Variants in RNF220 observed in about 807,000 individuals in gnomAD.
RNF220 encodes the protein ring finger protein 220.
Under a neutral mutation model 67.1 loss-of-function variants are expected in RNF220, and 7 were observed. The observed-to-expected ratio is 0.10, with a 90% CI of 0.06 to 0.20. RNF220 has a LOEUF of 0.20. RNF220 is among the 10% of genes least tolerant of loss of function. The pLI is 1.00. For missense variants in RNF220, 565 were observed against 740.3 expected (o/e 0.76, Z 2.75); for synonymous variants, 270 against 283.2 (o/e 0.95, Z 0.47).
At chr1:44,529,348 T>TACACACACACACACACACAAAC (rs1660652121) in intron 2 of RNF220, among the ~76,000 whole-genome samples, 1 of 149,894 alleles carries the variant, frequency 6.7e-6, no homozygotes, top group Non-Finnish European at 1.5e-5. Context: ...AAAAAGGAAT[T>TACACACACACACACACACAAAC]ACACACACAC....
chr1:44,559,859 G>A (rs1361853702), intron 2 of RNF220, among the ~76,000 whole-genome samples: 1 of 152,232 alleles, frequency 6.6e-6, no homozygotes, highest in Non-Finnish European at 1.5e-5. Flanking sequence ...GAAGAACTTT[G>A]ACCCACTTTA....
At chr1:44,617,015 A>G (rs1332000129) in intron 3 of RNF220, among the ~76,000 whole-genome samples, 1 of 150,570 alleles carries the variant, frequency 6.6e-6, no homozygotes, top group Non-Finnish European at 1.5e-5. Context: ...TCCCCACCCC[A>G]AGCTCCATGC....
chr1:44,458,681 T>C (rs1346972365), intron 2 of RNF220, among the ~76,000 whole-genome samples: 1 of 152,248 alleles, frequency 6.6e-6, no homozygotes, highest in Non-Finnish European at 1.5e-5. Flanking sequence ...ACAACAGTTC[T>C]CTTTCTTTTC....
intron 2 of RNF220, among the ~76,000 whole-genome samples, chr1:44,597,463 CT>C (rs1331661015): frequency 9.9e-6 from 1 of 100,624 alleles, no homozygotes; most frequent in Non-Finnish European, 2.0e-5. Context: ...CTCTCTCTCT[CT>C]CATGCACACA....
chr1:44,495,904 A>G (rs1657302208), intron 2 of RNF220, among the ~76,000 whole-genome samples: 1 of 152,240 alleles, frequency 6.6e-6, no homozygotes, highest in African/African-American at 2.4e-5. Context: ...ACCACTCAGC[A>G]TATGCTTACT....
At chr1:44,431,871 A>G (rs976067492) in intron 2 of RNF220, among the ~76,000 whole-genome samples, 3 of 152,200 alleles carry the variant, frequency 2.0e-5, no homozygotes, top group Admixed American at 2.0e-4. Context: ...GGCCAAATAT[A>G]AGGCATTTTC....
chr1:44,491,404 C>T (rs1299423527), intron 2 of RNF220, among the ~76,000 whole-genome samples: 1 of 152,004 alleles, frequency 6.6e-6, no homozygotes. Context: ...ACTGTGACCA[C>T]GTGGGATTAA....
chr1:44,493,529 T>A (rs956596549), intron 2 of RNF220, among the ~76,000 whole-genome samples: 6 of 135,940 alleles, frequency 4.4e-5, no homozygotes, highest in Admixed American at 1.4e-4. Context: ...AATAAATAAA[T>A]AAAATAAATA....
intron 2 of RNF220, among the ~76,000 whole-genome samples, chr1:44,441,511 G>A (rs763806272): frequency 1.3e-5 from 2 of 152,186 alleles, no homozygotes; most frequent in African/African-American, 4.8e-5. Flanking sequence ...AGTAAAAGAC[G>A]CAGTCAACAT....
chr1:44,590,708 G>A (rs1005950254), intron 2 of RNF220, among the ~76,000 whole-genome samples: 3 of 152,198 alleles, frequency 2.0e-5, no homozygotes, highest in Non-Finnish European at 2.9e-5. Context: ...GAAGCGGGGG[G>A]GCCAGGGAGG....
intron 2 of RNF220, chr1:44,419,883 CT>C (rs1459980010): frequency 6.6e-6 from 1 of 152,168 alleles, no homozygotes; most frequent in African/African-American, 2.4e-5. Context: ...TTTAAATCTA[CT>C]TTTTTCTCCT....
chr1:44,617,564 G>A (rs1224394235), intron 3 of RNF220, among the ~76,000 whole-genome samples: 2 of 152,262 alleles, frequency 1.3e-5, no homozygotes, highest in Non-Finnish European at 2.9e-5. Context: ...CGGGGAGCGC[G>A]GGGAGGGCCC....
intron 1 of RNF220, among the ~76,000 whole-genome samples, chr1:44,407,007 G>A (rs1031742391): frequency 6.6e-5 from 10 of 152,324 alleles, no homozygotes; most frequent in African/African-American, 2.4e-4. Context: ...AGCACACCCT[G>A]CATTCTCGGG....
chr1:44,451,247 A>G (rs1009761027), intron 2 of RNF220, among the ~76,000 whole-genome samples: 1 of 152,160 alleles, frequency 6.6e-6, no homozygotes, highest in Non-Finnish European at 1.5e-5. Context: ...AAGAGAGAAT[A>G]TTCATTTACA....
intron 8 of RNF220, among the ~76,000 whole-genome samples, chr1:44,637,790 T>C (rs1311312504): frequency 6.6e-6 from 1 of 152,178 alleles, no homozygotes; most frequent in African/African-American, 2.4e-5. Context: ...TGAGGGGAGT[T>C]CAAAGGGGGC....
intron 8 of RNF220, chr1:44,643,799 A>C (rs1330153305): frequency 6.6e-6 from 1 of 152,374 alleles, no homozygotes; most frequent in Admixed American, 6.5e-5. Flanking sequence ...GGAAGTGGGG[A>C]GCTGGGGGGA....
chr1:44,649,467 T>G lies in RNF220; in HGVS notation c.1446-194T>G. On this transcript the variant is annotated intron_variant, in intron 12 of 14. Coordinates refer to ENST00000361799, the MANE Select transcript of RNF220 (RefSeq NM_018150.4). The surrounding 1 kb of genome is among the most constrained non-coding windows in gnomAD (Gnocchi z 5.9). The stretch of plus-strand genomic sequence containing the variant: ...GTGTAGAAATTCATCCGAATGGGAA[T>G]GGAGGAATAGAGAGGGTGAGGAGTT... The G allele has an allele frequency of 1.7e-6, 1 of 602,470 alleles. No individual in the cohort carries two copies. The highest frequency in any genetic ancestry group is 2.9e-5 in the Admixed American group (1 of 34,128). The allele number at this position is 602,470 out of a possible 1,614,324, so 37.3% of individuals were successfully genotyped here.
intron 2 of RNF220, among the ~76,000 whole-genome samples, chr1:44,477,667 G>T (rs749246262): frequency 6.6e-6 from 1 of 152,146 alleles, no homozygotes; most frequent in Non-Finnish European, 1.5e-5. Flanking sequence ...CTTGTAGTAG[G>T]TCTAATCCAA....
intron 2 of RNF220, among the ~76,000 whole-genome samples, chr1:44,476,767 C>T (rs958018417): frequency 6.6e-6 from 1 of 152,198 alleles, no homozygotes; most frequent in African/African-American, 2.4e-5. Flanking sequence ...AGCCTTGAGG[C>T]AAGCTCTGTG....
Sources: gnomAD v4.1 joint callset for allele counts (sites outside exome capture counted in the v4.1 genomes callset) on GRCh38, gnomAD v4.1.1 for gene constraint, Gnocchi (gnomAD v3.1) non-coding constraint, MANE v1.5 for transcripts, NCBI Gene and HGNC (gene_info 2026-07-23, HGNC 2026-07-21) for gene names.